The following ENOX2 variants were observed in gnomAD, a reference collection of about 807,000 sequenced individuals.
The protein encoded by ENOX2 is ecto-NOX disulfide-thiol exchanger 2, also known as APK1 antigen.
In ENOX2, 36 loss-of-function variants were observed where a neutral mutation model predicts 45.0. That is an observed-to-expected ratio of 0.80 (90% confidence interval 0.61 to 1.06). The LOEUF (loss-of-function observed/expected upper bound fraction) is 1.06. ENOX2 is among the 50% of genes least tolerant of loss of function. The probability of loss-of-function intolerance (pLI) is 0.00; values close to 1 mark genes in which losing one functional copy is unlikely to be tolerated. For synonymous variants in ENOX2, 174 were observed against 152.3 expected, an observed-to-expected ratio of 1.14 and a Z score of -1.05; for missense variants, 423 against 462.5, an observed-to-expected ratio of 0.91 and a Z score of 0.78.
At chrX:130,646,200 A>T (rs899081429) in intron 10 of ENOX2, 1 of 476,957 alleles carries the variant, frequency 2.1e-6, no homozygotes. Context: ...TGGCAGTCAA[A>T]GATCACTTGG....
chrX:130,665,565 G>A, intron 9 of ENOX2, 78 bp downstream of exon 9: 1 of 692,635 alleles, frequency 1.4e-6, no homozygotes, highest in Admixed American at 2.6e-5. Flanking sequence ...ATTTAATTCT[G>A]GCTAAACTCC....
At chrX:130,777,684 C>T (rs1187868066) in intron 3 of ENOX2, among the ~76,000 whole-genome samples, 1 of 111,324 alleles carries the variant, frequency 9.0e-6, no homozygotes, top group African/African-American at 3.3e-5. Flanking sequence ...TTCAATGATT[C>T]GGGCAACTTA....
chrX:130,707,585 T>C (rs2038073482), intron 3 of ENOX2, among the ~76,000 whole-genome samples: 2 of 110,396 alleles, frequency 1.8e-5, no homozygotes, highest in African/African-American at 6.6e-5. Context: ...AACAGTATGT[T>C]GGTGCTGTCT....
At chrX:130,659,717 G>C (rs1255494228) in intron 9 of ENOX2, among the ~76,000 whole-genome samples, 1 of 112,355 alleles carries the variant, frequency 8.9e-6, no homozygotes, top group Non-Finnish European at 1.9e-5. Flanking sequence ...GAGAGTATAA[G>C]CAGAGACCAA....
intron 2 of ENOX2, among the ~76,000 whole-genome samples, chrX:130,891,253 C>G (rs1339026305): frequency 9.1e-6 from 1 of 109,741 alleles, no homozygotes; most frequent in Non-Finnish European, 1.9e-5. Flanking sequence ...TGGTAACTGT[C>G]CTTGTTCAGC....
intron 2 of ENOX2, among the ~76,000 whole-genome samples, chrX:130,843,308 C>A: frequency 9.0e-6 from 1 of 111,261 alleles, no homozygotes; most frequent in East Asian, 2.8e-4. Flanking sequence ...CCTCCTATCT[C>A]ACATGTGAAC....
intron 4 of ENOX2, among the ~76,000 whole-genome samples, chrX:130,700,012 T>C (rs184691616): frequency 8.9e-6 from 1 of 112,218 alleles, no homozygotes; most frequent in East Asian, 2.8e-4. Context: ...TGAATCCTCA[T>C]AACAACCCTA....
chrX:130,707,491 ATT>A (rs1292909371), intron 3 of ENOX2, among the ~76,000 whole-genome samples: 1 of 96,171 alleles, frequency 1.0e-5, no homozygotes. Context: ...TGTCAAAGTT[ATT>A]TGATTTTGAA....
At chrX:130,665,622 C>T (rs760991786) in intron 9 of ENOX2, 21 bp downstream of exon 9, 1 of 1,115,068 alleles carries the variant, frequency 9.0e-7, no homozygotes, top group African/African-American at 1.8e-5. Flanking sequence ...CAAGGGGCTA[C>T]CAGAATAAAA....
At chrX:130,820,030 A>T (rs1182731142) in intron 2 of ENOX2, among the ~76,000 whole-genome samples, 1 of 112,336 alleles carries the variant, frequency 8.9e-6, no homozygotes, top group Non-Finnish European at 1.9e-5. Context: ...CTGAAGGGAC[A>T]ACCTACAGAA....
At chrX:130,791,337 A>T (rs2077038930) in intron 2 of ENOX2, among the ~76,000 whole-genome samples, 1 of 110,855 alleles carries the variant, frequency 9.0e-6, no homozygotes, top group African/African-American at 3.3e-5. Context: ...TCCTCCCCCA[A>T]GACGTGGCGC....
chrX:130,883,358 C>A (rs1195050692), intron 2 of ENOX2, among the ~76,000 whole-genome samples: 7 of 111,077 alleles, frequency 6.3e-5, no homozygotes, highest in Non-Finnish European at 1.3e-4. Flanking sequence ...TGATCCACCC[C>A]CCTCGGCCTC....
chrX:130,656,676 T>C lies in ENOX2; in HGVS notation c.1034A>G (p.Asn345Ser), dbSNP rs1366222339. The change falls in exon 10 of 15, where the codon AAT (asparagine) becomes AGT (serine). Residue 345 changes from asparagine (N) to serine (S), a missense_variant. This residue lies in a region of ENOX2 where 261 missense variants were observed against 306.8 expected (regional missense o/e 0.85). Coordinates refer to ENST00000394363, the MANE Select transcript of ENOX2 (RefSeq NM_006375.4). ...TCGCCTGATTCCCATTAATTCATCA[T>C]TATGAATGTTGCGAATTTCCTAAGG... ...KQAEEIRNIHNDELMGIRREE... is the reference protein window; with the variant it reads ...KQAEEIRNIHSDELMGIRREE... 1 of 1,138,823 alleles carries C rather than the reference T, an allele frequency of 8.8e-7. No individual in the cohort carries two copies. The highest frequency in any genetic ancestry group is 3.0e-5 in the East Asian group (1 of 33,160). 93.9% of individuals were successfully genotyped at this position (1,138,823 alleles called of 1,213,427 possible).
At chrX:130,798,842 T>C (rs925233413) in intron 2 of ENOX2, among the ~76,000 whole-genome samples, 1 of 112,088 alleles carries the variant, frequency 8.9e-6, no homozygotes, top group African/African-American at 3.2e-5. Flanking sequence ...TCATGAAGAA[T>C]ACCGGAAAGC....
At chrX:130,794,194 G>C (rs979316928) in intron 2 of ENOX2, among the ~76,000 whole-genome samples, 3 of 112,173 alleles carry the variant, frequency 2.7e-5, no homozygotes, top group African/African-American at 9.7e-5. Context: ...CTGACCATTA[G>C]GTTATCTGTT....
At chrX:130,700,145 G>T (rs1249073779) in intron 4 of ENOX2, among the ~76,000 whole-genome samples, 2 of 112,142 alleles carry the variant, frequency 1.8e-5, no homozygotes, top group Non-Finnish European at 3.8e-5. Flanking sequence ...AGGCATTCTG[G>T]ATCTAGAACC....
chrX:130,812,325 C>A (rs1388109197), intron 2 of ENOX2, among the ~76,000 whole-genome samples: 1 of 111,671 alleles, frequency 9.0e-6, no homozygotes, highest in Non-Finnish European at 1.9e-5. Context: ...AGAAAAGAGG[C>A]AAATCACATA....
intron 3 of ENOX2, among the ~76,000 whole-genome samples, chrX:130,737,857 G>C (rs1267381277): frequency 1.8e-5 from 2 of 111,840 alleles, no homozygotes; most frequent in Admixed American, 1.9e-4. Context: ...AGATCATCAA[G>C]AGAACCAAGA....
intron 2 of ENOX2, among the ~76,000 whole-genome samples, chrX:130,897,706 A>G (rs1484098710): frequency 8.9e-6 from 1 of 112,338 alleles, no homozygotes; most frequent in Non-Finnish European, 1.9e-5. Context: ...TCACAGAAGG[A>G]AAACCTAATA....
Sources: allele counts gnomAD v4.1 joint callset (sites outside exome capture counted in the v4.1 genomes callset), GRCh38; gene constraint gnomAD v4.1.1; regional missense constraint gnomAD v4.1.1; transcripts MANE v1.5; gene names NCBI Gene and HGNC (gene_info 2026-07-23, HGNC 2026-07-21).